The following DENND5B variants were observed in gnomAD, a reference collection of about 807,000 sequenced individuals.
DENND5B encodes the protein DENN domain containing 5B, also known as DENN domain-containing protein 5B.
DENND5B carries 34 observed loss-of-function variants against 140.6 expected under a neutral mutation model. The observed-to-expected ratio is 0.24, with a 90% confidence interval of 0.18 to 0.32. The LOEUF (loss-of-function observed/expected upper bound fraction) is 0.32, where lower values mean the gene tolerates loss of function less well. DENND5B is among the 10% of genes least tolerant of loss of function. The pLI, the probability that DENND5B is intolerant of heterozygous loss-of-function variation, is 1.00. For missense variants in DENND5B, 1,142 were observed against 1,560.2 expected (o/e 0.73, Z 4.52); for synonymous variants, 551 against 562.1 (o/e 0.98, Z 0.28).
rs1048702851 is a variant in DENND5B at position 31,487,030 on chromosome 12, C to T, written c.238-6775G>A. ...AAGGGAACTGCAATGGAATAATATA[C>T]CATTTGGGGCCATAACAGGTGGTGA... On this transcript the variant is annotated intron_variant, in intron 2 of 20. Transcript: ENST00000389082. Among the ~76,000 whole-genome samples, 9 of 152,160 alleles carry T rather than the reference C, an allele frequency of 5.9e-5. No individual in the cohort carries two copies. In the South Asian group the frequency reaches 1.2e-3, roughly 21 times the overall value.
chr12:31,435,218 T>C (rs926085086), intron 7 of DENND5B, among the ~76,000 whole-genome samples: 2 of 152,102 alleles, frequency 1.3e-5, no homozygotes, highest in African/African-American at 2.4e-5. Context: ...TTATCAACTC[T>C]TCCCCATTCT....
At chr12:31,488,131 ATTTTTT>A (rs68139114) in intron 2 of DENND5B, among the ~76,000 whole-genome samples, 1 of 135,430 alleles carries the variant, frequency 7.4e-6, no homozygotes, top group African/African-American at 2.7e-5. Flanking sequence ...ATACCCGGCT[ATTTTTT>A]TTTTTTTTTT....
At chr12:31,458,731 ATCTC>A (rs774919498) in intron 4 of DENND5B, among the ~76,000 whole-genome samples, 1 of 152,182 alleles carries the variant, frequency 6.6e-6, no homozygotes, top group Non-Finnish European at 1.5e-5. Context: ...TAAAATGAGA[ATCTC>A]TATGGGAAAT....
chr12:31,514,687 C>G (rs577647023), intron 1 of DENND5B, among the ~76,000 whole-genome samples: 179 of 152,040 alleles, frequency 1.2e-3, no homozygotes, highest in Non-Finnish European at 2.2e-3. Context: ...TGTGGTGGCG[C>G]GTGCCTGTAA....
intron 10 of DENND5B, among the ~76,000 whole-genome samples, chr12:31,424,293 G>C (rs1160216860): frequency 6.6e-6 from 1 of 152,080 alleles, no homozygotes; most frequent in East Asian, 1.9e-4. Context: ...GAACTTACTA[G>C]GGATACAGCC....
intron 8 of DENND5B, chr12:31,432,037 A>G: frequency 2.0e-6 from 2 of 984,406 alleles, no homozygotes; most frequent in Non-Finnish European, 2.4e-6. Context: ...CAAGCAAAGA[A>G]CATACCAGGC....
rs114396293 is a variant in DENND5B, at chr12:31,582,346, G to A, written c.127+8360C>T. 5.4e-3 allele frequency among the ~76,000 whole-genome samples: 823 copies of A among 152,302 alleles called. 3 individuals are homozygous for A. The highest frequency in any genetic ancestry group is 0.018 in the African/African-American group (756 of 41,540). On this transcript the variant is annotated intron_variant, in intron 1 of 20. Transcript: ENST00000389082. ...GTGACAGGCCAGGAATGGAATCTCA[G>A]CTTCTGACTGTGCATTCAGCTCTAA...
At chr12:31,539,425 GA>G (rs930573151) in intron 1 of DENND5B, among the ~76,000 whole-genome samples, 1 of 151,510 alleles carries the variant, frequency 6.6e-6, no homozygotes, top group Non-Finnish European at 1.5e-5. Flanking sequence ...CATATTAAAA[GA>G]AAAAAAATTA....
At chr12:31,421,694 T>G (rs1424432396) in intron 11 of DENND5B, among the ~76,000 whole-genome samples, 1 of 152,116 alleles carries the variant, frequency 6.6e-6, no homozygotes, top group East Asian at 1.9e-4. Flanking sequence ...GGATTACAGA[T>G]GCCCACCACC....
intron 1 of DENND5B, chr12:31,540,845 A>C (rs1169535784): frequency 4.4e-6 from 1 of 229,826 alleles, no homozygotes; most frequent in Non-Finnish European, 9.1e-6. Flanking sequence ...CTGGCATAAA[A>C]ACAGACACAT....
intron 7 of DENND5B, among the ~76,000 whole-genome samples, chr12:31,437,116 G>A (rs187325240): frequency 3.3e-4 from 49 of 150,322 alleles, no homozygotes; most frequent in Non-Finnish European, 6.3e-4. Context: ...CCATCTTACT[G>A]GCAAAGTCTA....
At chr12:31,509,483 A>G (rs1324574009) in intron 1 of DENND5B, among the ~76,000 whole-genome samples, 2 of 152,184 alleles carry the variant, frequency 1.3e-5, no homozygotes, top group Non-Finnish European at 2.9e-5. Context: ...CCAGGAGTTA[A>G]GAGGTTACAA....
At chr12:31,494,196 CCATCCACCTACCTACCTACCTACCT>C (rs1199321761) in intron 2 of DENND5B, among the ~76,000 whole-genome samples, 937 of 79,760 alleles carry the variant, frequency 0.012, 40 homozygotes, top group Admixed American at 0.093. Context: ...ATCCATCCAT[CCATCCACCTACCTACCTACCTACCT>C]CTACCTACCT....
At chr12:31,567,123 T>C (rs2139369274) in intron 1 of DENND5B, among the ~76,000 whole-genome samples, 1 of 152,300 alleles carries the variant, frequency 6.6e-6, no homozygotes, top group Non-Finnish European at 1.5e-5. Flanking sequence ...TCCCTATTTG[T>C]TATTTAGGTT....
chr12:31,565,184 C>T (rs1949585465), intron 1 of DENND5B, among the ~76,000 whole-genome samples: 1 of 151,862 alleles, frequency 6.6e-6, no homozygotes, highest in Non-Finnish European at 1.5e-5. Context: ...AGGCAGGTGG[C>T]TCACTTGAGA....
chr12:31,503,574 A>G (rs1273438982), intron 1 of DENND5B, among the ~76,000 whole-genome samples: 1 of 152,142 alleles, frequency 6.6e-6, no homozygotes, highest in African/African-American at 2.4e-5. Flanking sequence ...GACACTGAAA[A>G]TCACTTCCAC....
chr12:31,520,008 T>C (rs1947818198), intron 1 of DENND5B, among the ~76,000 whole-genome samples: 1 of 152,182 alleles, frequency 6.6e-6, no homozygotes, highest in Non-Finnish European at 1.5e-5. Flanking sequence ...GTTCAGGCAT[T>C]TCTTGGCCTG....
intron 1 of DENND5B, among the ~76,000 whole-genome samples, chr12:31,539,784 GAAA>G (rs893163124): frequency 1.4e-5 from 2 of 144,464 alleles, no homozygotes; most frequent in Non-Finnish European, 3.1e-5. Context: ...TACTGATGAG[GAAA>G]AAAAAAAACC....
rs932456544 is a variant in DENND5B at position 31,402,357 on chromosome 12, A to G, written c.2949+141T>C. 2.9e-6 allele frequency: 3 copies of G among 1,052,142 alleles called. No homozygotes were observed. The African/African-American group carries it at 4.8e-5, about 17-fold the overall frequency. 65.2% of individuals were successfully genotyped at this position (1,052,142 alleles called of 1,614,324 possible). A position where few individuals can be genotyped will look rare whatever the true frequency, so the allele number is the denominator to read the frequency against. On this transcript the variant is annotated intron_variant, in intron 15 of 20. Transcript: ENST00000389082. ...TAAGCTGCTTAAGACAACTTTAGAC[A>G]TATAATCACAAAAATGATCCTGCAC...
Sources: gnomAD v4.1 joint callset for allele counts (sites outside exome capture counted in the v4.1 genomes callset) on GRCh38, gnomAD v4.1.1 for gene constraint, MANE v1.5 for transcripts, NCBI Gene and HGNC (gene_info 2026-07-23, HGNC 2026-07-21) for gene names.